The following KIRREL3 variants were observed in gnomAD, a reference collection of about 807,000 sequenced individuals.
KIRREL3 encodes the protein kin of IRRE-like protein 3.
Under a neutral mutation model 89.7 loss-of-function variants are expected in KIRREL3, and 36 were observed. The observed-to-expected ratio is 0.40, with a 90% CI of 0.31 to 0.53. The LOEUF is 0.53. KIRREL3 is among the 20% of genes least tolerant of loss of function. KIRREL3 has a pLI of 0.49. For missense variants in KIRREL3, 864 were observed against 1,056.6 expected, an observed-to-expected ratio of 0.82 and a Z score of 2.53; for synonymous variants, 445 against 441.4, an observed-to-expected ratio of 1.01 and a Z score of -0.10.
intron 1 of KIRREL3, among the ~76,000 whole-genome samples, chr11:126,942,075 T>C (rs1275624163): frequency 6.6e-6 from 1 of 152,126 alleles, no homozygotes; most frequent in Non-Finnish European, 1.5e-5. Context: ...TTCCAGGCTT[T>C]GGCCAAAGAA....
At chr11:126,725,348 A>AG in intron 1 of KIRREL3, among the ~76,000 whole-genome samples, 1 of 152,254 alleles carries the variant, frequency 6.6e-6, no homozygotes, top group Non-Finnish European at 1.5e-5. Context: ...TCAAAGCAAA[A>AG]AAAAGGGTTC....
intron 1 of KIRREL3, among the ~76,000 whole-genome samples, chr11:126,821,247 A>G (rs1461808324): frequency 6.6e-6 from 1 of 151,144 alleles, no homozygotes; most frequent in Non-Finnish European, 1.5e-5. Context: ...AGAAGCTGGC[A>G]GGGGGACACC....
intron 1 of KIRREL3, among the ~76,000 whole-genome samples, chr11:126,822,949 T>C (rs113023226): frequency 0.013 from 2,050 of 152,270 alleles, 49 homozygotes; most frequent in African/African-American, 0.047. Context: ...ACCATATGGA[T>C]TCAATGGGAT....
intron 1 of KIRREL3, among the ~76,000 whole-genome samples, chr11:126,619,098 G>A (rs536510912): frequency 6.6e-6 from 1 of 152,224 alleles, no homozygotes; most frequent in Non-Finnish European, 1.5e-5. Flanking sequence ...TGAGACAGCG[G>A]TCTAGAGGGT....
In KIRREL3 at chr11:126,535,636, C is replaced by T. The variant is rs1937795988; in HGVS notation, c.134-8949G>A. ...CAGATTAACTGAATTGGCCTCAACCCCACCTTTTCTCCAGCCAGACATTTG... is the reference window on the plus strand; with the variant it reads ...CAGATTAACTGAATTGGCCTCAACCTCACCTTTTCTCCAGCCAGACATTTG... On this transcript the variant is annotated intron_variant, in intron 2 of 16. Coordinates refer to ENST00000525144, the MANE Select transcript of KIRREL3 (RefSeq NM_032531.4). This position sits in a 1 kb window ranked among gnomAD's most constrained non-coding sequence, Gnocchi z 4.5. 6.6e-6 allele frequency among the ~76,000 whole-genome samples: 1 copy of T among 151,984 alleles called. No homozygotes were observed. Among genetic ancestry groups the T allele is most frequent in the Admixed American group, 6.6e-5 (1 of 15,244 alleles).
At chr11:126,450,984 TG>T (rs1348154236) in intron 7 of KIRREL3, among the ~76,000 whole-genome samples, 1 of 150,054 alleles carries the variant, frequency 6.7e-6, no homozygotes, top group Non-Finnish European at 1.5e-5. Flanking sequence ...GGTGTGTGCA[TG>T]TGTCAATGTG....
intron 4 of KIRREL3, among the ~76,000 whole-genome samples, chr11:126,517,283 G>A (rs1351478208): frequency 6.6e-6 from 1 of 152,188 alleles, no homozygotes; most frequent in Non-Finnish European, 1.5e-5. Flanking sequence ...TGGTTATAGA[G>A]GCTTGAGCCA....
rs2134459336 is a variant in KIRREL3 at position 126,531,744 on chromosome 11, C to T, written c.134-5057G>A. Among the ~76,000 whole-genome samples, 1 of 152,312 alleles carries T rather than the reference C, an allele frequency of 6.6e-6. No homozygotes were observed. The highest frequency in any genetic ancestry group is 2.4e-5 in the African/African-American group (1 of 41,576). On this transcript the variant is annotated intron_variant, in intron 2 of 16. Transcript: ENST00000525144. This position sits in a 1 kb window ranked among gnomAD's most constrained non-coding sequence, Gnocchi z 4.7. Reference sequence around the variant, plus strand: ...CCTTTATTGAGCACCTACTATATGTCAGATGCTGATGAAACAGAAATAAGG... The same window carrying T: ...CCTTTATTGAGCACCTACTATATGTTAGATGCTGATGAAACAGAAATAAGG...
chr11:126,656,281 C>T lies in KIRREL3; in HGVS notation c.56-93369G>A. 1 of 376,214 alleles carries T rather than the reference C, an allele frequency of 2.7e-6. No individual in the cohort carries two copies. The highest frequency in any genetic ancestry group is 2.0e-5 in the South Asian group (1 of 51,188). 23.3% of individuals were successfully genotyped at this position (376,214 alleles called of 1,614,324 possible). A position where few individuals can be genotyped will look rare whatever the true frequency, so the allele number is the denominator to read the frequency against. The stretch of plus-strand genomic sequence containing the variant: ...TATCAGGCTGGTTTCTTAACCATAA[C>T]CTCCATGATTCAGTTTCTTCATTTG... On this transcript the variant is annotated intron_variant, in intron 1 of 16. Coordinates refer to ENST00000525144, the MANE Select transcript of KIRREL3 (RefSeq NM_032531.4). The surrounding 1 kb of genome is among the most constrained non-coding windows in gnomAD (Gnocchi z 4.0).
intron 4 of KIRREL3, among the ~76,000 whole-genome samples, chr11:126,507,036 A>G (rs892214555): frequency 6.6e-6 from 1 of 152,250 alleles, no homozygotes; most frequent in African/African-American, 2.4e-5. Context: ...ATTCAGCAAT[A>G]AAAAGAAGTG....
At chr11:126,847,789 T>G (rs1486007635) in intron 1 of KIRREL3, among the ~76,000 whole-genome samples, 1 of 152,238 alleles carries the variant, frequency 6.6e-6, no homozygotes, top group Admixed American at 6.5e-5. Context: ...GTAAACAGAA[T>G]TTGGAACACA....
chr11:126,776,491 G>A lies in KIRREL3; in HGVS notation c.56-213579C>T, dbSNP rs1199396665. 6.6e-6 allele frequency among the ~76,000 whole-genome samples: 1 copy of A among 152,178 alleles called. No homozygotes were observed. The highest frequency in any genetic ancestry group is 2.4e-5 in the African/African-American group (1 of 41,438). The stretch of plus-strand genomic sequence containing the variant: ...AGCACCATAGCAGAGATATGGTGCT[G>A]CAGGACACTGGCTGCAGACAGGTCT... On this transcript the variant is annotated intron_variant, in intron 1 of 16. Transcript: ENST00000525144. The surrounding 1 kb of genome is among the most constrained non-coding windows in gnomAD (Gnocchi z 4.7).
chr11:126,506,153 C>G (rs2134381936), intron 4 of KIRREL3, among the ~76,000 whole-genome samples: 1 of 152,218 alleles, frequency 6.6e-6, no homozygotes, highest in African/African-American at 2.4e-5. Context: ...ACTTGTAAAA[C>G]TTATGGGAGA....
At chr11:126,529,855 A>G (rs559974060) in intron 2 of KIRREL3, among the ~76,000 whole-genome samples, 10 of 121,776 alleles carry the variant, frequency 8.2e-5, no homozygotes, top group Non-Finnish European at 1.5e-4. Flanking sequence ...TTTTAAACCA[A>G]TGAGTTTTTT....
At chr11:126,847,642 A>T (rs1944192842) in intron 1 of KIRREL3, among the ~76,000 whole-genome samples, 1 of 152,002 alleles carries the variant, frequency 6.6e-6, no homozygotes, top group African/African-American at 2.4e-5. Flanking sequence ...CTAATAGTAA[A>T]CTAATAGAAG....
chr11:126,602,908 G>A (rs75563533), intron 1 of KIRREL3, among the ~76,000 whole-genome samples: 3 of 152,254 alleles, frequency 2.0e-5, no homozygotes, highest in East Asian at 3.9e-4. Context: ...CAGGGCAAGG[G>A]GCAGGTAGGC....
chr11:126,738,256 G>A (rs971592084), intron 1 of KIRREL3, among the ~76,000 whole-genome samples: 1 of 152,180 alleles, frequency 6.6e-6, no homozygotes, highest in Non-Finnish European at 1.5e-5. Flanking sequence ...TCATAGGGGA[G>A]TAGCCTCCAA....
chr11:126,613,070 G>A (rs2134803139), intron 1 of KIRREL3, among the ~76,000 whole-genome samples: 1 of 152,236 alleles, frequency 6.6e-6, no homozygotes, highest in East Asian at 1.9e-4. Context: ...TGCTTTCTGA[G>A]GAGTTTTTAT....
rs1955151754 is a variant in KIRREL3, at chr11:126,431,999, C to T, written c.1589-473G>A. 6.6e-6 allele frequency among the ~76,000 whole-genome samples: 1 copy of T among 152,156 alleles called. No homozygotes were observed. The highest frequency in any genetic ancestry group is 1.5e-5 in the Non-Finnish European group (1 of 68,026). On this transcript the variant is annotated intron_variant, in intron 13 of 16. Transcript: ENST00000525144. The surrounding 1 kb of genome is among the most constrained non-coding windows in gnomAD (Gnocchi z 7.1). ...TATGTTCTCTCCTTCCCTTCCCTTT[C>T]TCGGGTGAATATAGAGGACATCCGG...
Sources: allele counts gnomAD v4.1 joint callset (sites outside exome capture counted in the v4.1 genomes callset), GRCh38; gene constraint gnomAD v4.1.1; non-coding constraint Gnocchi (gnomAD v3.1); transcripts MANE v1.5; gene names NCBI Gene and HGNC (gene_info 2026-07-23, HGNC 2026-07-21).